NUP160: variants seen among roughly 807,000 people sequenced by gnomAD.
NUP160 encodes nucleoporin 160, also known as nuclear pore complex protein Nup160.
A neutral mutation model predicts 196.9 loss-of-function variants in NUP160; 94 were observed. The observed-to-expected ratio is 0.48, with a 90% CI of 0.40 to 0.57. The LOEUF (loss-of-function observed/expected upper bound fraction) is 0.57, where lower values mean the gene tolerates loss of function less well. Ranked by LOEUF, NUP160 falls within the 20% of genes least tolerant of loss-of-function variation. The pLI is 0.00. For missense variants in NUP160, 1,638 were observed against 1,748.3 expected (o/e 0.94, Z 1.13); for synonymous variants, 605 against 619.7 (o/e 0.98, Z 0.35).
intron 11 of NUP160, among the ~76,000 whole-genome samples, chr11:47,817,029 G>A (rs533649304): frequency 1.9e-3 from 281 of 148,456 alleles, no homozygotes; most frequent in South Asian, 4.5e-3. Context: ...AGGCTGGAAT[G>A]CAGTGGCATG....
chr11:47,790,746 CCT>C (rs755201169), intron 29 of NUP160, among the ~76,000 whole-genome samples: 2 of 151,980 alleles, frequency 1.3e-5, no homozygotes, highest in African/African-American at 2.4e-5. Flanking sequence ...ACAGTGAGAC[CCT>C]GTTTCAAAAA....
intron 2 of NUP160, among the ~76,000 whole-genome samples, chr11:47,847,575 T>A (rs1191930711): frequency 6.8e-6 from 1 of 146,758 alleles, no homozygotes; most frequent in Admixed American, 7.0e-5. Flanking sequence ...TTAAAATTGG[T>A]CTTATGGGCT....
chr11:47,801,843 C>T lies in NUP160; in HGVS notation c.2863G>A (p.Val955Met), dbSNP rs199886252. The change falls in exon 23 of 36, where the codon GTG becomes ATG. Residue 955 changes from valine to methionine, a missense_variant. By Grantham distance (21) the Val-to-Met change is conservative (BLOSUM62 1). This residue lies in a region of NUP160 where 1,345 missense variants were observed against 1,470.2 expected (regional missense o/e 0.91). Coordinates refer to ENST00000378460, the Ensembl canonical transcript of NUP160. Reference sequence around the variant, plus strand: ...TAATACTGCAGCCTGGGGGTAGACACGATCTCCCCATCCTCTGAGCGAATC... The same window carrying T: ...TAATACTGCAGCCTGGGGGTAGACATGATCTCCCCATCCTCTGAGCGAATC... 6.0e-5 allele frequency: 96 copies of T among 1,613,286 alleles called. No homozygotes were observed. Among genetic ancestry groups the T allele is most frequent in the Admixed American group, 6.7e-5 (4 of 59,970 alleles).
intron 27 of NUP160, chr11:47,796,293 C>A: frequency 1.4e-6 from 1 of 691,028 alleles, no homozygotes; most frequent in Non-Finnish European, 2.7e-6. Context: ...CAAATTTTAC[C>A]AAAAATCAAA....
chr11:47,836,874 A>G lies in NUP160; in HGVS notation c.942+13T>C, dbSNP rs2135399490. The G allele has an allele frequency of 1.4e-6, 2 of 1,452,980 alleles. No individual in the cohort carries two copies. Among genetic ancestry groups the G allele is most frequent in the Admixed American group, 1.7e-5 (1 of 58,838 alleles). The allele number at this position is 1,452,980 out of a possible 1,614,324, so 90.0% of individuals were successfully genotyped here. On this transcript the variant is annotated intron_variant, in intron 6 of 35. Coordinates refer to ENST00000378460, the Ensembl canonical transcript of NUP160. Reference sequence around the variant, plus strand: ...CTGTTTTAACTTACAGCAACTATAAATGTAGCACTTACCTTGTAAGACCAC... The same window carrying G: ...CTGTTTTAACTTACAGCAACTATAAGTGTAGCACTTACCTTGTAAGACCAC...
chr11:47,779,345 T>C, intron 35 of NUP160, 151 bp from the exon 36 acceptor site: 2 of 592,040 alleles, frequency 3.4e-6, no homozygotes, highest in Non-Finnish European at 6.0e-6. Context: ...TATAGGAGTC[T>C]CCTCTGTGAC....
chr11:47,821,667 T>A (rs1851860470), intron 9 of NUP160, 57 bp downstream of exon 9: 1 of 1,331,258 alleles, frequency 7.5e-7, no homozygotes, highest in African/African-American at 1.4e-5. Flanking sequence ...GCCTCTCGTC[T>A]TCTTAGCATG....
chr11:47,812,899 A>G (rs2097681983), exon 15 of NUP160: 2 of 1,612,806 alleles, frequency 1.2e-6, no homozygotes, highest in Non-Finnish European at 1.7e-6. Flanking sequence ...TAGTGATCAT[A>G]TCTTCCAGAA....
At chr11:47,824,774 G>A (rs1048757106) in intron 7 of NUP160, among the ~76,000 whole-genome samples, 4 of 151,612 alleles carry the variant, frequency 2.6e-5, no homozygotes, top group Non-Finnish European at 5.9e-5. Context: ...CTAATAGCTA[G>A]TAATGCAGGC....
chr11:47,810,710 C>A (rs1021004048), intron 17 of NUP160, among the ~76,000 whole-genome samples: 3 of 151,904 alleles, frequency 2.0e-5, no homozygotes, highest in African/African-American at 7.3e-5. Context: ...CCAGACCCCG[C>A]TAACTTTTTT....
At chr11:47,803,495 A>G in exon 22 of NUP160, 1 of 1,612,684 alleles carries the variant, frequency 6.2e-7, no homozygotes, top group Non-Finnish European at 8.5e-7. Flanking sequence ...GACAGGAACC[A>G]ACATTGACTT....
At position 47,818,142 on chromosome 11, in the gene NUP160, C is replaced by T. The variant is rs768332849; in HGVS notation, c.1363-18G>A. The T allele has an allele frequency of 1.6e-5, 25 of 1,552,160 alleles. No homozygotes were observed. The highest frequency in any genetic ancestry group is 2.1e-5 in the Non-Finnish European group (24 of 1,127,402). On this transcript the variant is annotated intron_variant, in intron 10 of 35. Transcript: ENST00000378460. ...TACATCTCCTATTAGAACATTAAAA[C>T]AAAAGTTACTATTGTCCTAAACAAA...
intron 31 of NUP160, among the ~76,000 whole-genome samples, chr11:47,787,428 CTTTT>C (rs145162308): frequency 8.5e-5 from 11 of 130,042 alleles, no homozygotes; most frequent in African/African-American, 8.6e-5. Context: ...AATTCACAAA[CTTTT>C]TTTTTTTTTT....
chr11:47,807,144 T>C lies in NUP160; in HGVS notation c.2376-4A>G. On this transcript the variant is annotated splice_region_variant and splice_polypyrimidine_tract_variant and intron_variant, in intron 18 of 35. Coordinates refer to ENST00000378460, the Ensembl canonical transcript of NUP160. ...TAAGTGTTGGAGATTAGACTCCCTG[T>C]GAGAAAAGGGGAAAAGACAGCTTAG... The C allele has an allele frequency of 6.2e-7, 1 of 1,600,226 alleles. No individual in the cohort carries two copies. The highest frequency in any genetic ancestry group is 8.6e-7 in the Non-Finnish European group (1 of 1,167,994).
exon 14 of NUP160, chr11:47,813,401 G>A: frequency 6.2e-7 from 1 of 1,608,772 alleles, no homozygotes; most frequent in East Asian, 2.2e-5. Flanking sequence ...AGGGAATAAG[G>A]AAAGACAGGT....
At chr11:47,843,516 G>C (rs868577121) in intron 2 of NUP160, among the ~76,000 whole-genome samples, 6 of 152,108 alleles carry the variant, frequency 3.9e-5, no homozygotes, top group Non-Finnish European at 7.3e-5. Flanking sequence ...TGTGCCCCAG[G>C]GTTCAGTCCC....
At chr11:47,796,262 A>G in intron 27 of NUP160, 1 of 680,526 alleles carries the variant, frequency 1.5e-6, no homozygotes. Flanking sequence ...CAGTAGGATC[A>G]ATCAGAAAGC....
chr11:47,831,752 G>A (rs193186243), intron 7 of NUP160, among the ~76,000 whole-genome samples: 365 of 150,296 alleles, frequency 2.4e-3, no homozygotes, highest in Middle Eastern at 0.014. Flanking sequence ...CTGAGGCAGG[G>A]GAACTGCTTG....
chr11:47,847,359 T>C (rs1174977802), intron 2 of NUP160, among the ~76,000 whole-genome samples: 2 of 152,134 alleles, frequency 1.3e-5, no homozygotes, highest in South Asian at 2.1e-4. Flanking sequence ...ATTTTTCCTC[T>C]AGGGCAAGTT....
Sources: allele counts gnomAD v4.1 joint callset (sites outside exome capture counted in the v4.1 genomes callset), GRCh38; gene constraint gnomAD v4.1.1; regional missense constraint gnomAD v4.1.1; transcripts MANE v1.5; gene names NCBI Gene and HGNC (gene_info 2026-07-23, HGNC 2026-07-21).